TMEM266: variants seen among roughly 807,000 people sequenced by gnomAD.
TMEM266 encodes Hv1 related protein 1.
TMEM266 carries 33 observed loss-of-function variants against 50.5 expected under a neutral mutation model. The observed-to-expected ratio is 0.65, with a 90% CI of 0.50 to 0.87. TMEM266 has a LOEUF of 0.87. Among genes scored for constraint, TMEM266 ranks in the 40% least tolerant of loss-of-function variants. The pLI is 0.00. For synonymous variants in TMEM266, 310 were observed against 292.3 expected (o/e 1.06, Z -0.62); for missense variants, 655 against 695.1 (o/e 0.94, Z 0.65).
At chr15:76,115,295 C>T (rs781019246) in intron 1 of TMEM266, among the ~76,000 whole-genome samples, 2 of 152,164 alleles carry the variant, frequency 1.3e-5, no homozygotes, top group Non-Finnish European at 2.9e-5. Context: ...TTTCTTCCAA[C>T]GTATTGTTTC....
chr15:76,075,889 T>C (rs12899168), intron 1 of TMEM266, among the ~76,000 whole-genome samples: 113,289 of 122,736 alleles, frequency 0.92, 51,921 homozygotes, highest in Middle Eastern at 0.97. Flanking sequence ...CACGGGCTTT[T>C]TTTGTGTCCC....
intron 1 of TMEM266, among the ~76,000 whole-genome samples, chr15:76,075,228 A>G (rs1428570704): frequency 6.6e-6 from 1 of 152,134 alleles, no homozygotes; most frequent in African/African-American, 2.4e-5. Flanking sequence ...GAGCTCACCT[A>G]GGCCCTGGGA....
intron 1 of TMEM266, chr15:76,113,513 T>G (rs933838033): frequency 6.6e-6 from 1 of 152,220 alleles, no homozygotes; most frequent in East Asian, 1.9e-4. Context: ...GCCAAGGAAT[T>G]GAGAGCATGT....
intron 1 of TMEM266, among the ~76,000 whole-genome samples, chr15:76,080,808 A>G (rs1273463008): frequency 6.6e-6 from 1 of 151,976 alleles, no homozygotes; most frequent in Non-Finnish European, 1.5e-5. Flanking sequence ...GTGAAATGGC[A>G]TGATGATAGC....
intron 1 of TMEM266, among the ~76,000 whole-genome samples, chr15:76,121,708 C>T (rs2142019717): frequency 6.6e-6 from 1 of 152,340 alleles, no homozygotes; most frequent in East Asian, 1.9e-4. Flanking sequence ...TGAGCCACCA[C>T]ACCCGGCCAA....
intron 1 of TMEM266, among the ~76,000 whole-genome samples, chr15:76,077,146 A>G (rs1356002420): frequency 2.0e-5 from 3 of 151,760 alleles, no homozygotes; most frequent in Non-Finnish European, 4.4e-5. Context: ...TGTATTTTTT[A>G]TAGAGACAGG....
intron 2 of TMEM266, among the ~76,000 whole-genome samples, chr15:76,135,319 C>T (rs2405416): frequency 0.22 from 33,364 of 152,124 alleles, 5,119 homozygotes; most frequent in African/African-American, 0.43. Flanking sequence ...GGACCTTCAC[C>T]TCACCAGAGG....
chr15:76,203,330 A>G (rs1249958655), intron 10 of TMEM266, among the ~76,000 whole-genome samples: 1 of 152,218 alleles, frequency 6.6e-6, no homozygotes, highest in Admixed American at 6.5e-5. Context: ...ACAAAGCCAC[A>G]AAAGCCCACT....
rs181014038 is a variant in TMEM266, at chr15:76,196,750, G to A, written c.958+4593G>A. On this transcript the variant is annotated intron_variant, in intron 9 of 10. Transcript: ENST00000388942. ...GGAGGGCGGGGTGCCAGCCCCAGCCGTGAGGAGGAAGCAGCTCCACAATCT... is the reference window on the plus strand; with the variant it reads ...GGAGGGCGGGGTGCCAGCCCCAGCCATGAGGAGGAAGCAGCTCCACAATCT... Among the ~76,000 whole-genome samples, 76 of 152,216 alleles carry A rather than the reference G, an allele frequency of 5.0e-4. 1 individual carries two copies. In the East Asian group the frequency reaches 0.011, roughly 22 times the overall value.
chr15:76,190,005 C>T (rs370566908), intron 8 of TMEM266, among the ~76,000 whole-genome samples: 9 of 152,310 alleles, frequency 5.9e-5, no homozygotes, highest in Middle Eastern at 3.4e-3. Context: ...TGCTGCCTGG[C>T]CACCCTGTTG....
chr15:76,163,669 T>C (rs1053474807), intron 5 of TMEM266, among the ~76,000 whole-genome samples: 8 of 151,950 alleles, frequency 5.3e-5, no homozygotes, highest in African/African-American at 1.5e-4. Flanking sequence ...GCAGGAGTCC[T>C]TGGGGCCTCC....
chr15:76,137,674 A>G (rs1596127956), intron 2 of TMEM266, 33 bp from the exon 3 acceptor site: 1 of 1,606,580 alleles, frequency 6.2e-7, no homozygotes, highest in African/African-American at 1.3e-5. Flanking sequence ...CTTGAAGATA[A>G]CTCTTTCCCA....
In TMEM266 at chr15:76,170,272, G is replaced by T. The variant is rs970520290; in HGVS notation, c.513+400G>T. ...CGCCACACGGGTGGGTGTGGTGGGTGGGATGAGGTCAGGGAGGCCTGGCTG... is the reference window on the plus strand; with the variant it reads ...CGCCACACGGGTGGGTGTGGTGGGTTGGATGAGGTCAGGGAGGCCTGGCTG... On this transcript the variant is annotated intron_variant, in intron 6 of 10. Transcript: ENST00000388942. 2.0e-5 allele frequency among the ~76,000 whole-genome samples: 3 copies of T among 152,232 alleles called. No individual in the cohort carries two copies. In the South Asian group the frequency reaches 6.2e-4, roughly 32 times the overall value.
At chr15:76,075,559 C>G (rs971894182) in intron 1 of TMEM266, among the ~76,000 whole-genome samples, 2 of 152,024 alleles carry the variant, frequency 1.3e-5, no homozygotes, top group Non-Finnish European at 2.9e-5. Flanking sequence ...TGTTGGGGAC[C>G]CCTCAATCAG....
intron 9 of TMEM266, among the ~76,000 whole-genome samples, chr15:76,199,110 G>T (rs765241643): frequency 6.6e-6 from 1 of 152,220 alleles, no homozygotes; most frequent in Non-Finnish European, 1.5e-5. Flanking sequence ...ACAGGGCCAG[G>T]GGTCCCTCAA....
At chr15:76,170,915 C>T in intron 6 of TMEM266, 78 bp from the exon 7 acceptor site, 1 of 1,500,160 alleles carries the variant, frequency 6.7e-7, no homozygotes, top group Non-Finnish European at 9.0e-7. Flanking sequence ...TGGGCAGCAC[C>T]AGCTGCTTTG....
At position 76,097,241 on chromosome 15, in the gene TMEM266, G is replaced by A. The variant is rs183946352; in HGVS notation, c.-96-36927G>A. ...CTTTGCAATTTGGTATGTTTTTGCT[G>A]TGGCTGGTACTGGTTGTTCCTTTCC... is the stretch of plus-strand genomic sequence containing the variant. On this transcript the variant is annotated intron_variant, in intron 1 of 10. Coordinates refer to ENST00000388942, the MANE Select transcript of TMEM266 (RefSeq NM_152335.3). Among the ~76,000 whole-genome samples the A allele has an allele frequency of 3.8e-3, 579 of 152,138 alleles. 3 individuals are homozygous for A. Among genetic ancestry groups the A allele is most frequent in the Middle Eastern group, 0.017 (5 of 294 alleles).
At chr15:76,077,367 T>C (rs945904206) in intron 1 of TMEM266, among the ~76,000 whole-genome samples, 1 of 152,094 alleles carries the variant, frequency 6.6e-6, no homozygotes, top group African/African-American at 2.4e-5. Context: ...TTTTCATTCA[T>C]GTGTGAGACA....
chr15:76,105,743 G>T (rs549448851), intron 1 of TMEM266, among the ~76,000 whole-genome samples: 1 of 152,218 alleles, frequency 6.6e-6, no homozygotes, highest in Non-Finnish European at 1.5e-5. Context: ...CCCATACCTG[G>T]TGTGGGATCT....
Sources: allele counts gnomAD v4.1 joint callset (sites outside exome capture counted in the v4.1 genomes callset), GRCh38; gene constraint gnomAD v4.1.1; transcripts MANE v1.5; gene names NCBI Gene and HGNC (gene_info 2026-07-23, HGNC 2026-07-21).